PPM1M: variants seen among roughly 807,000 people sequenced by gnomAD.
PPM1M encodes the protein protein phosphatase, Mg2+/Mn2+ dependent 1M.
In PPM1M, 44 loss-of-function variants were observed where a neutral mutation model predicts 50.8. The observed-to-expected ratio is 0.87, with a 90% CI of 0.68 to 1.11. The LOEUF (loss-of-function observed/expected upper bound fraction) is 1.11. Ranked by LOEUF, PPM1M falls within the 50% of genes most tolerant of loss-of-function variation. The pLI is 0.00. For synonymous variants in PPM1M, 224 were observed against 242.9 expected, an observed-to-expected ratio of 0.92 and a Z score of 0.72; for missense variants, 556 against 593.4, an observed-to-expected ratio of 0.94 and a Z score of 0.66.
At position 52,248,371 on chromosome 3, in the gene PPM1M, A is replaced by G. The variant is rs1268891331; in HGVS notation, c.832A>G (p.Thr278Ala). 1 of 1,613,420 alleles carries G rather than the reference A, an allele frequency of 6.2e-7. No individual in the cohort carries two copies. The highest frequency in any genetic ancestry group is 8.5e-7 in the Non-Finnish European group (1 of 1,179,670). ...TCCTGAGCTTCTGGCTGGTGAGTTC[A>G]CCCGACTGGAGTTCCCTCGGCGGCT... ...VYPELLAGEF[T>A]RLEFPRRLKG... Residue 278 changes from threonine to alanine, a missense_variant, in exon 6 of 10, where the codon ACC becomes GCC. By Grantham distance (58) the Thr-to-Ala change is moderately conservative (BLOSUM62 0). Transcript: ENST00000323588.
rs1392474268 is a variant in PPM1M, at chr3:52,249,698, C to G, written c.1264C>G (p.His422Asp). ...CTCAAAGCTGGCCCAGATGCTGATA[C>G]ACAGCACACAGGGAAAGGAAGACAG... ...RFSKLAQMLI[H>D]STQGKEDSLT... The change falls in exon 10 of 10, where the codon CAC (histidine) becomes GAC (aspartate). Residue 422 changes from histidine (H) to aspartate (D), a missense_variant. By Grantham distance (81) the His-to-Asp change is moderately conservative. Transcript: ENST00000323588. 1 of 1,613,798 alleles carries G rather than the reference C, an allele frequency of 6.2e-7. No homozygotes were observed. The highest frequency in any genetic ancestry group is 8.5e-7 in the Non-Finnish European group (1 of 1,179,844).
intron 8 of PPM1M, 22 bp from the exon 9 acceptor site, chr3:52,249,152 G>A (rs142852404): frequency 1.9e-5 from 30 of 1,613,478 alleles, no homozygotes; most frequent in Non-Finnish European, 2.5e-5. Context: ...GAGTGTGCAG[G>A]ATCCTCAGGC....
chr3:52,248,543 G>C (rs1204315298), intron 6 of PPM1M, 90 bp downstream of exon 6: 2 of 1,587,132 alleles, frequency 1.3e-6, no homozygotes, highest in African/African-American at 2.7e-5. Context: ...CCTTGGCAGG[G>C]TGGCACTGTG....
At chr3:52,246,906 A>G in intron 2 of PPM1M, 68 bp from the exon 3 acceptor site, 1 of 1,516,678 alleles carries the variant, frequency 6.6e-7, no homozygotes, top group Non-Finnish European at 8.9e-7. Context: ...CCCAGGTCCT[A>G]GTTAGGTTGC....
At chr3:52,246,145 C>T (rs1036265597) in intron 1 of PPM1M, 97 bp downstream of exon 1, 2 of 1,039,554 alleles carry the variant, frequency 1.9e-6, no homozygotes, top group Non-Finnish European at 2.3e-6. Flanking sequence ...AGTGACAGTC[C>T]CCACCCACCT....
Position 52,245,903 on chromosome 3 carries a change from A to T in PPM1M, c.79A>T (p.Ser27Cys). 2 of 1,209,032 alleles carry T rather than the reference A, an allele frequency of 1.7e-6. No homozygotes were observed. Among genetic ancestry groups the T allele is most frequent in the Non-Finnish European group, 2.1e-6 (2 of 949,910 alleles). 74.9% of individuals were successfully genotyped at this position (1,209,032 alleles called of 1,614,324 possible). A position where few individuals can be genotyped will look rare whatever the true frequency, so the allele number is the denominator to read the frequency against. ...GCCGCGGCCGCCTGGGCCGCATGCC[A>T]GCCCCGTGCCCTACCGACGGCCCCG... ...PAPRPPGPHASPVPYRRPRFL... is the reference protein window; with the variant it reads ...PAPRPPGPHACPVPYRRPRFL... The change falls in exon 1 of 10, where the codon AGC becomes TGC. Residue 27 changes from serine to cysteine, a missense_variant. Physicochemically the swap from Ser to Cys is moderately radical, Grantham distance 112. Transcript: ENST00000323588. The surrounding 1 kb of genome is among the most constrained non-coding windows in gnomAD (Gnocchi z 4.8).
intron 1 of PPM1M, 81 bp from the exon 2 acceptor site, chr3:52,246,614 T>A (rs904872115): frequency 7.8e-6 from 7 of 895,628 alleles, no homozygotes; most frequent in Middle Eastern, 2.9e-4. Context: ...AGGGGTCTTC[T>A]CCCTGTGCTG....
chr3:52,247,826 G>A (rs1261300898), intron 4 of PPM1M, 32 bp downstream of exon 4: 4 of 1,181,892 alleles, frequency 3.4e-6, no homozygotes, highest in Non-Finnish European at 5.0e-6. Context: ...GGGCAAGGGT[G>A]GGATGGGGAG....
In PPM1M at chr3:52,245,935, T is replaced by G. The variant is rs114645176; in HGVS notation, c.111T>G (p.Leu37=). 0.13 allele frequency: 161,694 copies of G among 1,238,444 alleles called. 12,390 individuals are homozygous for G. The highest frequency in any genetic ancestry group is 0.32 in the African/African-American group (19,800 of 61,240). 76.7% of individuals were successfully genotyped at this position (1,238,444 alleles called of 1,614,324 possible). The stretch of plus-strand genomic sequence containing the variant: ...TGCCCTACCGACGGCCCCGCTTCCT[T>G]CGCGGCTCCAGCTCCAGCCCCGGGG... ...SPVPYRRPRF[L]RGSSSSPGAA... Residue 37 remains leucine (L), a synonymous_variant, in exon 1 of 10, where the codon CTT becomes CTG. Transcript: ENST00000323588. This position sits in a 1 kb window ranked among gnomAD's most constrained non-coding sequence, Gnocchi z 4.8.
chr3:52,249,475 T>C, intron 9 of PPM1M, 153 bp downstream of exon 9: 2 of 1,262,644 alleles, frequency 1.6e-6, no homozygotes, highest in Non-Finnish European at 2.2e-6. Flanking sequence ...AGGGAGACCG[T>C]GGGTTCCGAA....
chr3:52,249,918 C>G lies in PPM1M; in HGVS notation c.*104C>G. The G allele has an allele frequency of 2.0e-6, 2 of 1,013,934 alleles. No homozygotes were observed. The highest frequency in any genetic ancestry group is 2.9e-6 in the Non-Finnish European group (2 of 684,560). The allele number at this position is 1,013,934 out of a possible 1,614,324, so 62.8% of individuals were successfully genotyped here. ...ATCCTGCCTGCCCTATCCCTAGCCA[C>G]CGCCCAGTGCTCTCACTATCCACCT... On this transcript the variant is annotated 3_prime_UTR_variant, in exon 10 of 10. Coordinates refer to ENST00000323588, the MANE Select transcript of PPM1M (RefSeq NM_144641.4).
intron 3 of PPM1M, 30 bp from the exon 4 acceptor site, chr3:52,247,652 A>G: frequency 7.1e-7 from 1 of 1,399,090 alleles, no homozygotes; most frequent in Non-Finnish European, 1.0e-6. Flanking sequence ...CAGAACAGGC[A>G]GCAGCTAAGG....
chr3:52,249,145 T>C, intron 8 of PPM1M, 29 bp from the exon 9 acceptor site: 1 of 1,612,356 alleles, frequency 6.2e-7, no homozygotes, highest in Non-Finnish European at 8.5e-7. Flanking sequence ...GGGAAGGGAG[T>C]GTGCAGGATC....
At chr3:52,249,108 A>G in intron 8 of PPM1M, 45 bp downstream of exon 8, 1 of 1,609,038 alleles carries the variant, frequency 6.2e-7, no homozygotes, top group Non-Finnish European at 8.5e-7. Flanking sequence ...CTGCCCAGAA[A>G]GGCAGACAGT....
rs1247751990 is a variant in PPM1M at position 52,250,318 on chromosome 3, A to G, written c.*504A>G. On this transcript the variant is annotated 3_prime_UTR_variant, in exon 10 of 10. Transcript: ENST00000323588. ...ATGTCTGCTAAAACAGCCATCTTCA[A>G]GACAGCCCCTGAAAAGAGACCAGTT... 1.2e-5 allele frequency: 2 copies of G among 162,510 alleles called. No homozygotes were observed. Among genetic ancestry groups the G allele is most frequent in the East Asian group, 3.3e-4 (2 of 6,018 alleles). 10.1% of individuals were successfully genotyped at this position (162,510 alleles called of 1,614,324 possible).
intron 4 of PPM1M, 48 bp downstream of exon 4, chr3:52,247,842 A>C (rs1699888191): frequency 9.0e-7 from 1 of 1,113,572 alleles, no homozygotes; most frequent in South Asian, 1.3e-5. Flanking sequence ...GGGAGGGCAT[A>C]AGCAGCAATG....
At chr3:52,249,551 C>G (rs1167345774) in intron 9 of PPM1M, 119 bp from the exon 10 acceptor site, 3 of 1,454,746 alleles carry the variant, frequency 2.1e-6, no homozygotes, top group Admixed American at 3.8e-5. Flanking sequence ...TTGCTTGGTC[C>G]ACAGTCGGAC....
rs1365472401 is a variant in PPM1M, at chr3:52,249,056, T to C, written c.1079T>C (p.Val360Ala). The C allele has an allele frequency of 6.2e-7, 1 of 1,610,066 alleles. No individual in the cohort carries two copies. The highest frequency in any genetic ancestry group is 2.2e-5 in the East Asian group (1 of 44,750). Residue 360 changes from valine to alanine, a missense_variant, in exon 8 of 10, where the codon GTG becomes GCG. Coordinates refer to ENST00000323588, the MANE Select transcript of PPM1M (RefSeq NM_144641.4). Reference protein sequence around the residue: ...NIQLKPFLLSVPQVTVLDVDQ... With the variant: ...NIQLKPFLLSAPQVTVLDVDQ... ...CAGCTCAAGCCCTTCTTGCTCTCTG[T>C]GCCACAGGTAAGGGGGCAACGCTGT...
intron 1 of PPM1M, chr3:52,246,319 A>G: frequency 9.7e-7 from 1 of 1,036,206 alleles, no homozygotes; most frequent in African/African-American, 1.7e-5. Flanking sequence ...GACTCGGTAG[A>G]GTTCCAGCAT....
Sources: gnomAD v4.1 joint callset for allele counts on GRCh38, gnomAD v4.1.1 for gene constraint, Gnocchi (gnomAD v3.1) non-coding constraint, MANE v1.5 for transcripts, NCBI Gene and HGNC (gene_info 2026-07-23, HGNC 2026-07-21) for gene names.